FAM133A: variants seen among roughly 807,000 people sequenced by gnomAD.
FAM133A encodes protein FAM133A.
For missense variants in FAM133A, 159 were observed against 164.4 expected (o/e 0.97, Z 0.18); for synonymous variants, 65 against 58.6 (o/e 1.11, Z -0.50).
At chrX:93,702,756 C>T (rs143504584) in intron 3 of FAM133A, among the ~76,000 whole-genome samples, 263 of 101,986 alleles carry the variant, frequency 2.6e-3, no homozygotes, top group Middle Eastern at 0.011. Context: ...GTAGTACATA[C>T]CCTTGATATG....
chrX:93,700,633 C>T (rs1926631814), intron 3 of FAM133A, among the ~76,000 whole-genome samples: 1 of 111,071 alleles, frequency 9.0e-6, no homozygotes, highest in South Asian at 3.8e-4. Flanking sequence ...CCATTACGTG[C>T]TATTATTTTC....
chrX:93,674,618 A>G (rs1027514975), intron 1 of FAM133A, 63 bp from the exon 2 acceptor site: 1 of 111,803 alleles, frequency 8.9e-6, no homozygotes, highest in African/African-American at 3.3e-5. Context: ...AAGTCCAGTA[A>G]TATGTGAATA....
chrX:93,677,909 C>A (rs2147577208), intron 2 of FAM133A, among the ~76,000 whole-genome samples: 1 of 111,584 alleles, frequency 9.0e-6, no homozygotes, highest in African/African-American at 3.2e-5. Flanking sequence ...GTTTTAATTT[C>A]TTTTAGAAAA....
In FAM133A at chrX:93,711,190, T is replaced by G. The variant is rs746064245; in HGVS notation, c.*1024T>G. The G allele has an allele frequency of 8.1e-6, 1 of 123,020 alleles. No individual in the cohort carries two copies. Among genetic ancestry groups the G allele is most frequent in the South Asian group, 3.7e-4 (1 of 2,679 alleles). The allele number at this position is 123,020 out of a possible 1,213,427, so 10.1% of individuals were successfully genotyped here. On this transcript the variant is annotated 3_prime_UTR_variant, in exon 4 of 4. Coordinates refer to ENST00000683942, the MANE Select transcript of FAM133A (RefSeq NM_001171109.2). ...ATATTTAGCATGTGAAAAGGTTTTT[T>G]TTAAAAAATATGTAATGCCTTCATA...
chrX:93,711,251 A>T lies in FAM133A; in HGVS notation c.*1085A>T, dbSNP rs1458571812. 1 of 122,595 alleles carries T rather than the reference A, an allele frequency of 8.2e-6. No homozygotes were observed. Among genetic ancestry groups the T allele is most frequent in the East Asian group, 2.8e-4 (1 of 3,535 alleles). 10.1% of individuals were successfully genotyped at this position (122,595 alleles called of 1,213,427 possible). ...TTACTGTACGCAAGTTGAGTGCCAG[A>T]CCTCTAGTACGCCGTATGTTACATG... On this transcript the variant is annotated 3_prime_UTR_variant, in exon 4 of 4. Transcript: ENST00000683942.
At chrX:93,708,618 T>C (rs1927204572) in intron 3 of FAM133A, among the ~76,000 whole-genome samples, 2 of 111,945 alleles carry the variant, frequency 1.8e-5, no homozygotes, top group South Asian at 7.4e-4. Flanking sequence ...ATCTGTGAAA[T>C]AGAGACAATG....
rs943310752 is a variant in FAM133A at position 93,711,646 on chromosome X, C to G, written c.*1480C>G. 8.2e-6 allele frequency: 1 copy of G among 122,164 alleles called. No individual in the cohort carries two copies. The highest frequency in any genetic ancestry group is 3.3e-5 in the African/African-American group (1 of 30,490). 10.1% of individuals were successfully genotyped at this position (122,164 alleles called of 1,213,427 possible). A position where few individuals can be genotyped will look rare whatever the true frequency, so the allele number is the denominator to read the frequency against. Reference sequence around the variant, plus strand: ...CAATAGCAGATTTTATCTCGGCTACCTTCAATCACAAGTAAAATTATAAAG... The same window carrying G: ...CAATAGCAGATTTTATCTCGGCTACGTTCAATCACAAGTAAAATTATAAAG... On this transcript the variant is annotated 3_prime_UTR_variant, in exon 4 of 4. Coordinates refer to ENST00000683942, the MANE Select transcript of FAM133A (RefSeq NM_001171109.2).
chrX:93,700,348 T>C (rs186625593), intron 3 of FAM133A, among the ~76,000 whole-genome samples: 2 of 110,921 alleles, frequency 1.8e-5, no homozygotes, highest in East Asian at 5.6e-4. Flanking sequence ...CCATAAAGCC[T>C]TCTCTAATAC....
chrX:93,678,338 G>A (rs1184558667), intron 2 of FAM133A, among the ~76,000 whole-genome samples: 1 of 111,026 alleles, frequency 9.0e-6, no homozygotes, highest in South Asian at 3.8e-4. Flanking sequence ...TTCTCTTAAG[G>A]GTGCCTTTTA....
At chrX:93,697,573 A>AT (rs1320850805) in intron 2 of FAM133A, among the ~76,000 whole-genome samples, 3 of 111,941 alleles carry the variant, frequency 2.7e-5, no homozygotes, top group African/African-American at 6.5e-5. Context: ...ACTACTGCAT[A>AT]TTTTTTAAAA....
At chrX:93,686,802 T>C (rs1925559331) in intron 2 of FAM133A, among the ~76,000 whole-genome samples, 1 of 112,624 alleles carries the variant, frequency 8.9e-6, no homozygotes, top group Non-Finnish European at 1.9e-5. Flanking sequence ...ATATCTAATG[T>C]ACAAAAGATG....
At chrX:93,693,637 C>A (rs73252246) in intron 2 of FAM133A, among the ~76,000 whole-genome samples, 16 of 110,881 alleles carry the variant, frequency 1.4e-4, no homozygotes, top group Non-Finnish European at 2.3e-4. Flanking sequence ...CTAATAAAGA[C>A]TAAAAGATCA....
intron 2 of FAM133A, among the ~76,000 whole-genome samples, chrX:93,689,037 A>G (rs1430009768): frequency 1.1e-5 from 1 of 94,113 alleles, no homozygotes; most frequent in Non-Finnish European, 2.1e-5. Context: ...ATTTAATATA[A>G]TAGGTAACAG....
intron 2 of FAM133A, among the ~76,000 whole-genome samples, chrX:93,691,526 G>T (rs1465814820): frequency 8.9e-6 from 1 of 111,934 alleles, no homozygotes; most frequent in Non-Finnish European, 1.9e-5. Flanking sequence ...ACACCACATT[G>T]TCTTAACTGT....
Position 93,710,717 on chromosome X carries a change from T to A in FAM133A, c.*551T>A, listed in dbSNP as rs1446451668. 1 of 122,774 alleles carries A rather than the reference T, an allele frequency of 8.1e-6. No homozygotes were observed. Among genetic ancestry groups the A allele is most frequent in the Admixed American group, 9.6e-5 (1 of 10,425 alleles). 10.1% of individuals were successfully genotyped at this position (122,774 alleles called of 1,213,427 possible). On this transcript the variant is annotated 3_prime_UTR_variant, in exon 4 of 4. Coordinates refer to ENST00000683942, the MANE Select transcript of FAM133A (RefSeq NM_001171109.2). ...ATAGTGTGCCTTTGACTCTTACACA[T>A]CCTATTTTTGCCAGAGCAGCAGCCG...
upstream of FAM133A, among the ~76,000 whole-genome samples, chrX:93,673,808 C>A (rs1421793864): frequency 9.3e-6 from 1 of 107,918 alleles, no homozygotes; most frequent in Admixed American, 1.0e-4. Flanking sequence ...AGGTGTCCCC[C>A]TGCCCCCCAA....
intron 2 of FAM133A, among the ~76,000 whole-genome samples, chrX:93,681,245 A>T (rs1003756996): frequency 9.2e-6 from 1 of 109,285 alleles, no homozygotes; most frequent in African/African-American, 3.3e-5. Flanking sequence ...TGTGCATATG[A>T]TATATATGTA....
At chrX:93,707,037 C>A (rs979496590) in intron 3 of FAM133A, among the ~76,000 whole-genome samples, 2 of 112,310 alleles carry the variant, frequency 1.8e-5, no homozygotes, top group African/African-American at 6.5e-5. Context: ...CCACCCAAAG[C>A]CTTTGTTAAC....
chrX:93,702,201 G>A (rs1926750545), intron 3 of FAM133A, among the ~76,000 whole-genome samples: 1 of 111,507 alleles, frequency 9.0e-6, no homozygotes, highest in Non-Finnish European at 1.9e-5. Flanking sequence ...CAGTGCCAAG[G>A]TCTTGTTTTC....
Sources: allele counts gnomAD v4.1 joint callset (sites outside exome capture counted in the v4.1 genomes callset), GRCh38; gene constraint gnomAD v4.1.1; transcripts MANE v1.5; gene names NCBI Gene and HGNC (gene_info 2026-07-23, HGNC 2026-07-21).